Variants in PPARGC1A observed in about 807,000 individuals in gnomAD.
PPARGC1A encodes the protein PPARG coactivator 1 alpha.
Under a neutral mutation model 88.7 loss-of-function variants are expected in PPARGC1A, and 25 were observed. The observed-to-expected ratio is 0.28, with a 90% CI of 0.21 to 0.39. The LOEUF is 0.39. Among genes scored for constraint, PPARGC1A ranks in the 10% least tolerant of loss-of-function variants. The pLI is 1.00. For missense variants in PPARGC1A, 880 were observed against 968.7 expected, an observed-to-expected ratio of 0.91 and a Z score of 1.22; for synonymous variants, 363 against 355.6, an observed-to-expected ratio of 1.02 and a Z score of -0.24.
chr4:24,339,191 C>T, the PPARGC1A span, among the ~76,000 whole-genome samples: 1 of 102,944 alleles, frequency 9.7e-6, no homozygotes, highest in Non-Finnish European at 2.0e-5. Flanking sequence ...AAGGTTCATC[C>T]ATGTGTGTGT....
At chr4:23,949,748 A>G in the PPARGC1A span, among the ~76,000 whole-genome samples, 1 of 152,278 alleles carries the variant, frequency 6.6e-6, no homozygotes, top group Admixed American at 6.5e-5. Flanking sequence ...ATTCAAGGAC[A>G]AGAGCCACCC....
At chr4:23,957,198 C>T in the PPARGC1A span, among the ~76,000 whole-genome samples, 3 of 152,084 alleles carry the variant, frequency 2.0e-5, no homozygotes, top group African/African-American at 7.2e-5. Flanking sequence ...CATCAGATGC[C>T]TCCTTCTCCC....
the PPARGC1A span, among the ~76,000 whole-genome samples, chr4:23,956,597 T>C: frequency 2.6e-4 from 39 of 152,074 alleles, no homozygotes; most frequent in Admixed American, 9.2e-4. Context: ...ACAAACCATA[T>C]TCTCCAAACA....
the PPARGC1A span, among the ~76,000 whole-genome samples, chr4:24,132,810 C>T: frequency 6.6e-6 from 1 of 151,642 alleles, no homozygotes; most frequent in Non-Finnish European, 1.5e-5. Context: ...GCACCTTCTT[C>T]ACTTGACCTA....
At chr4:24,079,664 C>T in the PPARGC1A span, among the ~76,000 whole-genome samples, 1 of 151,860 alleles carries the variant, frequency 6.6e-6, no homozygotes, top group Non-Finnish European at 1.5e-5. Flanking sequence ...CTTCTCATCC[C>T]ATGATCAGAT....
At chr4:24,033,568 A>G in the PPARGC1A span, among the ~76,000 whole-genome samples, 2 of 152,218 alleles carry the variant, frequency 1.3e-5, no homozygotes. Context: ...GGGTTTTGCT[A>G]TTCCATTTAG....
the PPARGC1A span, among the ~76,000 whole-genome samples, chr4:24,447,891 G>A: frequency 6.6e-6 from 1 of 152,194 alleles, no homozygotes; most frequent in African/African-American, 2.4e-5. Flanking sequence ...CTTCAAGCCA[G>A]GCAATCGTTC....
chr4:23,921,779 G>A, the PPARGC1A span, among the ~76,000 whole-genome samples: 4 of 152,172 alleles, frequency 2.6e-5, no homozygotes, highest in Non-Finnish European at 5.9e-5. Context: ...GTTTTCAAAT[G>A]AAGGCTCAAT....
chr4:24,041,920 A>G, the PPARGC1A span, among the ~76,000 whole-genome samples: 3 of 152,070 alleles, frequency 2.0e-5, no homozygotes, highest in African/African-American at 4.8e-5. Flanking sequence ...ACCAAAAAAA[A>G]AAAGAAAGAA....
the PPARGC1A span, among the ~76,000 whole-genome samples, chr4:24,236,327 G>A: frequency 6.6e-6 from 1 of 152,092 alleles, no homozygotes; most frequent in Non-Finnish European, 1.5e-5. Context: ...TGGCACTAAG[G>A]TAGTCATAAA....
intron 2 of PPARGC1A, among the ~76,000 whole-genome samples, chr4:23,872,438 C>T (rs1368317264): frequency 6.6e-6 from 1 of 152,098 alleles, no homozygotes; most frequent in African/African-American, 2.4e-5. Flanking sequence ...CACTGCCCTG[C>T]ATTTGTTGGG....
At chr4:24,237,923 G>A in the PPARGC1A span, among the ~76,000 whole-genome samples, 1 of 152,202 alleles carries the variant, frequency 6.6e-6, no homozygotes, top group Non-Finnish European at 1.5e-5. Flanking sequence ...CCTTGGTGAT[G>A]TGCCCGGCAC....
the PPARGC1A span, among the ~76,000 whole-genome samples, chr4:24,464,178 A>C: frequency 6.6e-6 from 1 of 152,202 alleles, no homozygotes; most frequent in East Asian, 1.9e-4. Flanking sequence ...AATTCAATAA[A>C]TGTTGTTTAA....
the PPARGC1A span, among the ~76,000 whole-genome samples, chr4:24,152,413 G>A: frequency 6.6e-6 from 1 of 152,274 alleles, no homozygotes. Context: ...CATCCATGGA[G>A]AGAAAGTGTT....
chr4:24,175,521 CCCA>C, the PPARGC1A span, among the ~76,000 whole-genome samples: 15 of 148,866 alleles, frequency 1.0e-4, no homozygotes, highest in African/African-American at 3.4e-4. Flanking sequence ...ATTACAGGTG[CCCA>C]CCACCACACC....
chr4:24,177,579 C>T, the PPARGC1A span, among the ~76,000 whole-genome samples: 2 of 149,696 alleles, frequency 1.3e-5, no homozygotes, highest in African/African-American at 4.9e-5. Context: ...AGTAACTAAC[C>T]TGCATGTTGT....
chr4:24,032,393 C>T, the PPARGC1A span, among the ~76,000 whole-genome samples: 2 of 152,182 alleles, frequency 1.3e-5, no homozygotes, highest in Non-Finnish European at 2.9e-5. Context: ...TGCCTTTCCA[C>T]TCTGTCATGG....
the PPARGC1A span, among the ~76,000 whole-genome samples, chr4:24,018,955 C>T: frequency 6.6e-6 from 1 of 152,028 alleles, no homozygotes; most frequent in African/African-American, 2.4e-5. Flanking sequence ...CAGGGATACA[C>T]CTAGGTATTA....
At chr4:24,387,864 GAA>G in the PPARGC1A span, among the ~76,000 whole-genome samples, 167 of 117,950 alleles carry the variant, frequency 1.4e-3, 3 homozygotes, top group African/African-American at 5.0e-3. Context: ...GAGAAAGAGA[GAA>G]AGGAAGAAAG....
Sources: gnomAD v4.1 joint callset for allele counts (sites outside exome capture counted in the v4.1 genomes callset) on GRCh38, gnomAD v4.1.1 for gene constraint, MANE v1.5 for transcripts, NCBI Gene and HGNC (gene_info 2026-07-23, HGNC 2026-07-21) for gene names.